VRK3: variants seen among roughly 807,000 people sequenced by gnomAD.
VRK3 encodes VRK serine/threonine kinase 3, also known as serine/threonine-protein kinase VRK3.
Under a neutral mutation model 60.4 loss-of-function variants are expected in VRK3, and 50 were observed. The observed-to-expected ratio is 0.83, with a 90% CI of 0.66 to 1.05. The LOEUF is 1.05. Among genes scored for constraint, VRK3 ranks in the 50% least tolerant of loss-of-function variants. VRK3 has a pLI of 0.00. For synonymous variants in VRK3, 246 were observed against 227.8 expected, an observed-to-expected ratio of 1.08 and a Z score of -0.72; for missense variants, 549 against 585.3, an observed-to-expected ratio of 0.94 and a Z score of 0.64.
chr19:50,005,805 C>T (rs2076880675), intron 5 of VRK3, among the ~76,000 whole-genome samples: 1 of 149,788 alleles, frequency 6.7e-6, no homozygotes, highest in Admixed American at 6.6e-5. Context: ...CTTCTGTGAA[C>T]ACCCAGAAGG....
rs545561001 is a variant in VRK3 at position 49,981,747 on chromosome 19, C to T, written c.1218-734G>A. The T allele has an allele frequency of 1.4e-4, 147 of 1,019,082 alleles. 2 individuals are homozygous for T. The South Asian group carries it at 4.1e-3, about 28-fold the overall frequency. The allele number at this position is 1,019,082 out of a possible 1,614,324, so 63.1% of individuals were successfully genotyped here. A position where few individuals can be genotyped will look rare whatever the true frequency, so the allele number is the denominator to read the frequency against. The stretch of plus-strand genomic sequence containing the variant: ...TTACTTACAGGTCCTGGGGGCACAC[C>T]GCACACCCAAAGGTGACCTCCCCAC... On this transcript the variant is annotated intron_variant, in intron 12 of 14. Transcript: ENST00000316763.
At chr19:50,001,312 G>T in intron 5 of VRK3, 1 of 165,678 alleles carries the variant, frequency 6.0e-6, no homozygotes, top group Non-Finnish European at 1.3e-5. Flanking sequence ...GGAACTTCCT[G>T]GTGGACAGTT....
In VRK3 at chr19:49,989,625, C is replaced by T. The variant is rs762522300; in HGVS notation, c.1096+14G>A. The T allele has an allele frequency of 6.3e-7, 1 of 1,598,442 alleles. No homozygotes were observed. The highest frequency in any genetic ancestry group is 8.5e-7 in the Non-Finnish European group (1 of 1,170,028). ...CATCTCTCTGCGGTCCCAAACCCATCCCTGGCCTCGTACCGCATCCCTTGT... is the reference window on the plus strand; with the variant it reads ...CATCTCTCTGCGGTCCCAAACCCATTCCTGGCCTCGTACCGCATCCCTTGT... On this transcript the variant is annotated intron_variant, in intron 11 of 14. Coordinates refer to ENST00000316763, the MANE Select transcript of VRK3 (RefSeq NM_016440.4).
At chr19:50,015,437 T>G (rs1600719588) in intron 3 of VRK3, among the ~76,000 whole-genome samples, 1 of 152,090 alleles carries the variant, frequency 6.6e-6, no homozygotes, top group Non-Finnish European at 1.5e-5. Flanking sequence ...GACTCCCAAG[T>G]AGGTGGGATT....
At chr19:49,977,645 C>T (rs1464464053) in intron 14 of VRK3, among the ~76,000 whole-genome samples, 3 of 152,098 alleles carry the variant, frequency 2.0e-5, no homozygotes, top group Admixed American at 1.3e-4. Flanking sequence ...CAAGTGACCC[C>T]GTGGTCAGTC....
intron 4 of VRK3, among the ~76,000 whole-genome samples, chr19:50,008,995 A>G (rs1009911934): frequency 2.0e-5 from 3 of 152,154 alleles, no homozygotes; most frequent in Non-Finnish European, 2.9e-5. Flanking sequence ...GGCACCAGGA[A>G]CAGTAGGGGT....
At chr19:49,980,823 G>C (rs147005895) in intron 13 of VRK3, 132 bp downstream of exon 13, 1 of 715,514 alleles carries the variant, frequency 1.4e-6, no homozygotes, top group Admixed American at 2.9e-5. Flanking sequence ...TTCTACAATG[G>C]GTACGTATTA....
chr19:50,005,853 C>A (rs1252787963), intron 5 of VRK3, among the ~76,000 whole-genome samples: 1 of 149,660 alleles, frequency 6.7e-6, no homozygotes, highest in Non-Finnish European at 1.5e-5. Flanking sequence ...TTAGTGGCTG[C>A]CAGTGGACTG....
chr19:50,010,811 G>T (rs1054701460), intron 3 of VRK3, among the ~76,000 whole-genome samples: 1 of 152,200 alleles, frequency 6.6e-6, no homozygotes, highest in Non-Finnish European at 1.5e-5. Context: ...TACTTGAGAA[G>T]CTGAGGCAGG....
chr19:49,997,858 T>C (rs1047450969), intron 6 of VRK3: 13 of 280,136 alleles, frequency 4.6e-5, no homozygotes, highest in Middle Eastern at 1.2e-3. Context: ...CAGTGAGGAC[T>C]GACCACATGA....
chr19:50,023,426 C>A (rs1384659900), intron 1 of VRK3, among the ~76,000 whole-genome samples: 1 of 152,216 alleles, frequency 6.6e-6, no homozygotes, highest in Non-Finnish European at 1.5e-5. Flanking sequence ...CTCAGGTGAT[C>A]CCCCTCAGCC....
At chr19:50,020,010 G>A (rs1276752043) in intron 2 of VRK3, among the ~76,000 whole-genome samples, 2 of 151,862 alleles carry the variant, frequency 1.3e-5, no homozygotes, top group East Asian at 1.9e-4. Flanking sequence ...CCATGTAGCT[G>A]GGACTACAGG....
intron 10 of VRK3, among the ~76,000 whole-genome samples, chr19:49,991,526 C>T (rs1038843825): frequency 2.0e-5 from 3 of 151,878 alleles, no homozygotes; most frequent in African/African-American, 7.3e-5. Flanking sequence ...TCTACACACA[C>T]ACACACACGC....
chr19:50,018,123 G>C (rs1460382703), intron 2 of VRK3, among the ~76,000 whole-genome samples: 5 of 152,164 alleles, frequency 3.3e-5, no homozygotes, highest in Non-Finnish European at 5.9e-5. Flanking sequence ...TAACCTCTCT[G>C]TGTCACAGTC....
At position 49,979,119 on chromosome 19, in the gene VRK3, G is replaced by A; in HGVS notation, c.1400C>T (p.Pro467Leu). 1 of 1,612,610 alleles carries A rather than the reference G, an allele frequency of 6.2e-7. No individual in the cohort carries two copies. Among genetic ancestry groups the A allele is most frequent in the East Asian group, 2.2e-5 (1 of 44,836 alleles). ...LQDLRVSPYD[P>L]IGLPMVP ...CTAGGGCACCATCGGGAGGCCAATGGGGTCATATGGAGACACACGCAGATC... is the reference window on the plus strand; with the variant it reads ...CTAGGGCACCATCGGGAGGCCAATGAGGTCATATGGAGACACACGCAGATC... The change falls in exon 14 of 15, where the codon CCC (proline) becomes CTC (leucine). Residue 467 changes from proline to leucine, a missense_variant. By Grantham distance (98) the Pro-to-Leu change is moderately conservative. Coordinates refer to ENST00000316763, the MANE Select transcript of VRK3 (RefSeq NM_016440.4).
chr19:49,996,824 C>T (rs932450884), intron 7 of VRK3, among the ~76,000 whole-genome samples: 1 of 151,824 alleles, frequency 6.6e-6, no homozygotes, highest in South Asian at 2.1e-4. Flanking sequence ...ACCATGTTGG[C>T]CAGGCTACTC....
intron 5 of VRK3, among the ~76,000 whole-genome samples, chr19:50,006,422 A>C (rs1168677826): frequency 1.1e-4 from 16 of 151,410 alleles, no homozygotes; most frequent in Admixed American, 4.6e-4. Context: ...GTCACCCAGG[A>C]TGGAGTGCAG....
At chr19:49,993,462 A>G (rs1162353364) in intron 9 of VRK3, among the ~76,000 whole-genome samples, 2 of 152,258 alleles carry the variant, frequency 1.3e-5, no homozygotes, top group African/African-American at 4.8e-5. Flanking sequence ...GCAGTGGTAC[A>G]ATCACTGCTC....
chr19:49,978,857 A>G (rs2076374769), intron 14 of VRK3: 5 of 433,252 alleles, frequency 1.2e-5, no homozygotes, highest in Non-Finnish European at 2.0e-5. Context: ...ACAACAGCCA[A>G]TCAATCCCCA....
Sources: allele counts gnomAD v4.1 joint callset (sites outside exome capture counted in the v4.1 genomes callset), GRCh38; gene constraint gnomAD v4.1.1; transcripts MANE v1.5; gene names NCBI Gene and HGNC (gene_info 2026-07-23, HGNC 2026-07-21).